Variants in LTBP1 observed in about 807,000 individuals in gnomAD.
LTBP1 encodes the protein latent-transforming growth factor beta-binding protein 1.
A neutral mutation model predicts 207.6 loss-of-function variants in LTBP1; 129 were observed. That is an observed-to-expected ratio of 0.62 (90% CI 0.54 to 0.72). The LOEUF (loss-of-function observed/expected upper bound fraction) is 0.72, where lower values mean the gene tolerates loss of function less well. Ranked by LOEUF, LTBP1 falls within the 30% of genes least tolerant of loss-of-function variation. The pLI, the probability that LTBP1 is intolerant of heterozygous loss-of-function variation, is 0.00. For missense variants in LTBP1, 2,281 were observed against 2,217.2 expected (o/e 1.03, Z -0.58); for synonymous variants, 963 against 833.7 (o/e 1.16, Z -2.67).
intron 15 of LTBP1, among the ~76,000 whole-genome samples, chr2:33,272,845 C>T (rs2093350162): frequency 6.6e-6 from 1 of 152,126 alleles, no homozygotes; most frequent in Admixed American, 6.5e-5. Context: ...TCTCAGAAGG[C>T]CCCCTTTGAG....
chr2:32,987,400 G>T (rs1365651394), intron 2 of LTBP1, among the ~76,000 whole-genome samples: 1 of 152,068 alleles, frequency 6.6e-6, no homozygotes, highest in Admixed American at 6.5e-5. Context: ...TGAGGGGGTT[G>T]CATCAGCTGG....
chr2:33,298,876 G>T (rs78692521), intron 20 of LTBP1, among the ~76,000 whole-genome samples: 9,249 of 152,258 alleles, frequency 0.061, 347 homozygotes, highest in Middle Eastern at 0.12. Context: ...AGGAAACTAT[G>T]TCAGTATTTC....
In LTBP1 at chr2:33,257,468, G is replaced by T; in HGVS notation, c.2352G>T (p.Leu784=). The T allele has an allele frequency of 6.2e-7, 1 of 1,614,204 alleles. No homozygotes were observed. The highest frequency in any genetic ancestry group is 8.5e-7 in the Non-Finnish European group (1 of 1,180,014). Residue 784 remains leucine, a synonymous_variant, in exon 12 of 34, where the codon CTG becomes CTT. Coordinates refer to ENST00000404816, the MANE Select transcript of LTBP1 (RefSeq NM_206943.4). ...LPAKEEPVEA[L]TFSREHGPGV... ...CCAAGGAAGAGCCAGTGGAGGCCCT[G>T]ACCTTCTCCCGGGAACACGGGCCAG...
intron 23 of LTBP1, among the ~76,000 whole-genome samples, chr2:33,313,486 T>A (rs911405150): frequency 4.6e-5 from 7 of 152,202 alleles, no homozygotes; most frequent in Non-Finnish European, 4.4e-5. Context: ...TAGCAGCCAA[T>A]AGGAAGAACA....
At chr2:33,038,901 T>C (rs1202804426) in intron 3 of LTBP1, among the ~76,000 whole-genome samples, 1 of 152,224 alleles carries the variant, frequency 6.6e-6, no homozygotes, top group Non-Finnish European at 1.5e-5. Flanking sequence ...TAGGATCCTC[T>C]GGGGCTGCTT....
chr2:33,360,615 ATC>A lies in LTBP1; in HGVS notation c.4020_4021del (p.Asp1340GlufsTer12). On this transcript the variant is annotated frameshift_variant, in exon 27 of 34. Coordinates refer to ENST00000404816, the MANE Select transcript of LTBP1 (RefSeq NM_206943.4). LOFTEE classifies it high-confidence loss of function. ...CATTTAGATTTAGATGTAGATGTAG[ATC>A]AACCCAAAGAAGAAAAGAAAGAATG... is the stretch of plus-strand genomic sequence containing the variant. 1 of 1,613,380 alleles carries A rather than the reference ATC, an allele frequency of 6.2e-7. No homozygotes were observed. The highest frequency in any genetic ancestry group is 1.1e-5 in the South Asian group (1 of 91,050).
intron 5 of LTBP1, among the ~76,000 whole-genome samples, chr2:33,140,324 G>A (rs1213512784): frequency 6.6e-6 from 1 of 152,154 alleles, no homozygotes; most frequent in African/African-American, 2.4e-5. Flanking sequence ...ACTTAGTTCA[G>A]TCACTGAGTT....
At chr2:33,313,167 C>T (rs2094211759) in intron 23 of LTBP1, among the ~76,000 whole-genome samples, 1 of 152,154 alleles carries the variant, frequency 6.6e-6, no homozygotes, top group South Asian at 2.1e-4. Flanking sequence ...GATTCATTGA[C>T]CTTCCTTGAA....
Position 33,254,220 on chromosome 2 carries a change from G to A in LTBP1, c.2167+1376G>A, listed in dbSNP as rs191684807. On this transcript the variant is annotated intron_variant, in intron 11 of 33. Coordinates refer to ENST00000404816, the MANE Select transcript of LTBP1 (RefSeq NM_206943.4). The stretch of plus-strand genomic sequence containing the variant: ...AGTAATCTTTATAATTTATAGACAC[G>A]TTTCTCTTGAAGTTCAGTTTTTAAA... Among the ~76,000 whole-genome samples the A allele has an allele frequency of 2.2e-4, 34 of 151,964 alleles. No individual in the cohort carries two copies. In the East Asian group the frequency reaches 4.4e-3, roughly 20 times the overall value.
chr2:33,349,439 CAAAAG>C (rs1432311858), intron 26 of LTBP1, among the ~76,000 whole-genome samples: 1 of 135,868 alleles, frequency 7.4e-6, no homozygotes, highest in Non-Finnish European at 1.6e-5. Flanking sequence ...GATTCTGTCT[CAAAAG>C]AAAAAAAAAA....
chr2:33,120,525 T>C (rs977509725), intron 4 of LTBP1, among the ~76,000 whole-genome samples: 3 of 152,210 alleles, frequency 2.0e-5, no homozygotes, highest in African/African-American at 7.2e-5. Flanking sequence ...GATCTCATTC[T>C]TTTTTATGGC....
At chr2:33,397,027 A>G in intron 32 of LTBP1, 106 bp from the exon 33 acceptor site, 1 of 929,768 alleles carries the variant, frequency 1.1e-6, no homozygotes. Context: ...ATATGTATGG[A>G]CATATATGTG....
chr2:33,079,298 C>T (rs496600), intron 3 of LTBP1, among the ~76,000 whole-genome samples: 114,522 of 152,034 alleles, frequency 0.75, 45,364 homozygotes, highest in East Asian at 0.98. Flanking sequence ...ACAGTACGTG[C>T]TGTGATGGAG....
intron 9 of LTBP1, among the ~76,000 whole-genome samples, chr2:33,239,561 A>G (rs2092215241): frequency 6.6e-6 from 1 of 152,108 alleles, no homozygotes; most frequent in Admixed American, 6.6e-5. Flanking sequence ...TGATTTAGTT[A>G]GAATCTGTTG....
intron 12 of LTBP1, 51 bp downstream of exon 12, chr2:33,257,562 G>C: frequency 3.4e-6 from 5 of 1,470,052 alleles, no homozygotes; most frequent in Non-Finnish European, 4.7e-6. Flanking sequence ...GTGTGTCTTT[G>C]CTTTGATTTC....
At chr2:33,015,428 G>A (rs190342837) in intron 2 of LTBP1, among the ~76,000 whole-genome samples, 2 of 152,338 alleles carry the variant, frequency 1.3e-5, no homozygotes, top group East Asian at 1.9e-4. Flanking sequence ...TTGGAAAGTA[G>A]TGGCTCTATG....
At chr2:33,316,517 A>C (rs998304222) in intron 24 of LTBP1, among the ~76,000 whole-genome samples, 1 of 152,224 alleles carries the variant, frequency 6.6e-6, no homozygotes, top group Non-Finnish European at 1.5e-5. Context: ...CTGAGCAGAC[A>C]AAACATGGAT....
At chr2:33,187,133 C>G (rs2087297785) in intron 6 of LTBP1, 53 bp downstream of exon 6, 1 of 1,514,566 alleles carries the variant, frequency 6.6e-7, no homozygotes, top group African/African-American at 1.4e-5. Flanking sequence ...CCTGCCAAAC[C>G]CACATAGAAG....
intron 3 of LTBP1, among the ~76,000 whole-genome samples, chr2:33,089,693 T>C (rs2078970140): frequency 6.6e-6 from 1 of 152,376 alleles, no homozygotes; most frequent in African/African-American, 2.4e-5. Context: ...AGTCTATTAA[T>C]ATGTAGCACA....
Sources: allele counts gnomAD v4.1 joint callset (sites outside exome capture counted in the v4.1 genomes callset), GRCh38; gene constraint gnomAD v4.1.1; transcripts MANE v1.5; gene names NCBI Gene and HGNC (gene_info 2026-07-23, HGNC 2026-07-21).